The following UBR7 variants were observed in gnomAD, a reference collection of about 807,000 sequenced individuals.
The protein encoded by UBR7 is putative E3 ubiquitin-protein ligase UBR7.
In UBR7, 22 loss-of-function variants were observed where a neutral mutation model predicts 57.0. That is an observed-to-expected ratio of 0.39 (90% CI 0.28 to 0.55). UBR7 has a LOEUF of 0.55. Ranked by LOEUF, UBR7 falls within the 20% of genes least tolerant of loss-of-function variation. The pLI is 0.69. For missense variants in UBR7, 395 were observed against 513.2 expected (o/e 0.77, Z 2.23); for synonymous variants, 167 against 179.8 (o/e 0.93, Z 0.57).
chr14:93,227,474 G>A lies in UBR7; in HGVS notation c.*439G>A, dbSNP rs1167081602. The A allele has an allele frequency of 1.7e-5, 12 of 690,790 alleles. No homozygotes were observed. The highest frequency in any genetic ancestry group is 1.1e-4 in the East Asian group (4 of 36,604). The allele number at this position is 690,790 out of a possible 1,614,324, so 42.8% of individuals were successfully genotyped here. ...ACCTAGAACCTCTACAGGTCCCCTC[G>A]CCCCTATGATCGTGGTGCCTTGGGT... On this transcript the variant is annotated 3_prime_UTR_variant, in exon 11 of 11. Coordinates refer to ENST00000013070, the MANE Select transcript of UBR7 (RefSeq NM_175748.4).
intron 10 of UBR7, chr14:93,223,599 T>C (rs1245955833): frequency 1.9e-6 from 2 of 1,078,892 alleles, no homozygotes; most frequent in Non-Finnish European, 2.8e-6. Flanking sequence ...GCCCTGCCCC[T>C]AGAAGAACGT....
At chr14:93,215,421 C>A in intron 6 of UBR7, 140 bp downstream of exon 6, 2 of 819,704 alleles carry the variant, frequency 2.4e-6, no homozygotes, top group Non-Finnish European at 4.1e-6. Context: ...CATGGTGGCT[C>A]ACGCCTGTAA....
intron 10 of UBR7, chr14:93,223,639 T>A: frequency 7.2e-7 from 1 of 1,383,542 alleles, no homozygotes; most frequent in Non-Finnish European, 1.0e-6. Context: ...AAGCGTGGCT[T>A]GGGCTGACGG....
intron 8 of UBR7, 145 bp from the exon 9 acceptor site, chr14:93,220,104 G>C (rs1311076176): frequency 1.3e-6 from 1 of 759,390 alleles, no homozygotes; most frequent in East Asian, 2.7e-5. Context: ...TAGCAATTCT[G>C]TGTTAAAGAC....
chr14:93,213,057 G>C (rs1894517095), intron 4 of UBR7, among the ~76,000 whole-genome samples: 1 of 152,082 alleles, frequency 6.6e-6, no homozygotes, highest in Non-Finnish European at 1.5e-5. Context: ...AGAATCACTT[G>C]AACCCATGGG....
rs911309489 is a variant in UBR7, at chr14:93,227,909, A to G, written c.*874A>G. 2 of 700,846 alleles carry G rather than the reference A, an allele frequency of 2.9e-6. No individual in the cohort carries two copies. Among genetic ancestry groups the G allele is most frequent in the African/African-American group, 3.5e-5 (2 of 57,304 alleles). The allele number at this position is 700,846 out of a possible 1,614,324, so 43.4% of individuals were successfully genotyped here. A position where few individuals can be genotyped will look rare whatever the true frequency, so the allele number is the denominator to read the frequency against. Reference sequence around the variant, plus strand: ...GAAGTCCTCTGGATTTCTTGATATTATCAGGGATATTCATAAGCATATATC... The same window carrying G: ...GAAGTCCTCTGGATTTCTTGATATTGTCAGGGATATTCATAAGCATATATC... On this transcript the variant is annotated 3_prime_UTR_variant, in exon 11 of 11. Coordinates refer to ENST00000013070, the MANE Select transcript of UBR7 (RefSeq NM_175748.4).
chr14:93,216,473 C>G (rs1004982757), intron 6 of UBR7, among the ~76,000 whole-genome samples: 2 of 152,210 alleles, frequency 1.3e-5, no homozygotes, highest in Admixed American at 6.5e-5. Flanking sequence ...GGCAGTTACT[C>G]ATGGTATCTG....
intron 6 of UBR7, among the ~76,000 whole-genome samples, chr14:93,216,234 C>G (rs1381991042): frequency 6.6e-6 from 1 of 152,162 alleles, no homozygotes; most frequent in Non-Finnish European, 1.5e-5. Context: ...TCTGTAGAGA[C>G]AGTGTTTCAC....
At position 93,228,441 on chromosome 14, in the gene UBR7, G is replaced by A. The variant is rs1245640740; in HGVS notation, c.*1406G>A. The A allele has an allele frequency of 2.2e-6, 1 of 454,018 alleles. No individual in the cohort carries two copies. The highest frequency in any genetic ancestry group is 4.4e-6 in the Non-Finnish European group (1 of 226,810). The allele number at this position is 454,018 out of a possible 1,614,324, so 28.1% of individuals were successfully genotyped here. ...CACCATGTATATTAATACTCCTTAT[G>A]TGTCCAGCATCTGTGTATTCATTCG... On this transcript the variant is annotated 3_prime_UTR_variant, in exon 11 of 11. Coordinates refer to ENST00000013070, the MANE Select transcript of UBR7 (RefSeq NM_175748.4).
chr14:93,213,550 G>A (rs1420835293), intron 4 of UBR7, among the ~76,000 whole-genome samples: 3 of 152,114 alleles, frequency 2.0e-5, no homozygotes, highest in African/African-American at 7.2e-5. Flanking sequence ...CTCATGATCC[G>A]CCTGCCTCGG....
intron 9 of UBR7, among the ~76,000 whole-genome samples, chr14:93,220,686 A>G (rs1259174379): frequency 2.0e-5 from 3 of 152,096 alleles, no homozygotes; most frequent in Non-Finnish European, 2.9e-5. Context: ...CATTGAAACA[A>G]TTTTTGGACA....
rs11547258 is a variant in UBR7, at chr14:93,228,333, T to C, written c.*1298T>C. 0.11 allele frequency: 51,600 copies of C among 455,046 alleles called. 3,345 individuals are homozygous for C. Among genetic ancestry groups the C allele is most frequent in the African/African-American group, 0.21 (10,418 of 50,104 alleles). The allele number at this position is 455,046 out of a possible 1,614,324, so 28.2% of individuals were successfully genotyped here. A position where few individuals can be genotyped will look rare whatever the true frequency, so the allele number is the denominator to read the frequency against. ...ACATAGAGAACCCTCAGCTTCTCTC[T>C]GCCTCTGGAGGACCAAGGTCTTTCC... On this transcript the variant is annotated 3_prime_UTR_variant, in exon 11 of 11. Coordinates refer to ENST00000013070, the MANE Select transcript of UBR7 (RefSeq NM_175748.4).
chr14:93,222,398 A>G, intron 10 of UBR7, 24 bp downstream of exon 10: 1 of 1,523,742 alleles, frequency 6.6e-7, no homozygotes, highest in Non-Finnish European at 9.1e-7. Flanking sequence ...AAGAATTCTA[A>G]TCATAGCCCT....
chr14:93,223,860 T>C (rs1894771149), intron 10 of UBR7: 3 of 747,428 alleles, frequency 4.0e-6, no homozygotes, highest in Non-Finnish European at 7.3e-6. Context: ...TCCCGGTACA[T>C]GTTGGGGGCG....
At chr14:93,224,258 C>T in intron 10 of UBR7, 1 of 406,744 alleles carries the variant, frequency 2.5e-6, no homozygotes. Flanking sequence ...GTGCTGCCTG[C>T]TGCCTTTCTG....
intron 10 of UBR7, chr14:93,223,723 CA>C: frequency 3.6e-6 from 3 of 837,060 alleles, no homozygotes; most frequent in East Asian, 5.0e-5. Context: ...CGGCTGGCGG[CA>C]CTTGCTGGCT....
chr14:93,208,562 T>TA lies in UBR7; in HGVS notation c.150+1132dup, dbSNP rs112981008. Among the ~76,000 whole-genome samples, 1,361 of 144,986 alleles carry TA rather than the reference T, an allele frequency of 9.4e-3. 6 individuals are homozygous for TA. The highest frequency in any genetic ancestry group is 0.018 in the Middle Eastern group (5 of 280). On this transcript the variant is annotated intron_variant, in intron 1 of 10. Coordinates refer to ENST00000013070, the MANE Select transcript of UBR7 (RefSeq NM_175748.4). ...GGATTCCTTAATATTTTCTTTGTGGTAAAAAAAAAAATACGGAAATTTGCA... is the reference window on the plus strand; with the variant it reads ...GGATTCCTTAATATTTTCTTTGTGGTAAAAAAAAAAAATACGGAAATTTGCA...
At chr14:93,210,072 A>T (rs11851572) in intron 2 of UBR7, 115 bp downstream of exon 2, 24,909 of 649,924 alleles carry the variant, frequency 0.038, 2,634 homozygotes, top group South Asian at 0.11. Context: ...TAATGAAATT[A>T]ATTAATTAAT....
chr14:93,229,030 T>G lies in UBR7; in HGVS notation c.*1995T>G, dbSNP rs959019404. On this transcript the variant is annotated 3_prime_UTR_variant, in exon 11 of 11. Coordinates refer to ENST00000013070, the MANE Select transcript of UBR7 (RefSeq NM_175748.4). ...TTGACTGTATTGGACTGTCTCTTCT[T>G]GTAGAGACTGATTTTGGCCAACATA... is the stretch of plus-strand genomic sequence containing the variant. 1 of 431,276 alleles carries G rather than the reference T, an allele frequency of 2.3e-6. No homozygotes were observed. The highest frequency in any genetic ancestry group is 2.0e-5 in the African/African-American group (1 of 48,966). 26.7% of individuals were successfully genotyped at this position (431,276 alleles called of 1,614,324 possible).
Sources: allele counts gnomAD v4.1 joint callset (sites outside exome capture counted in the v4.1 genomes callset), GRCh38; gene constraint gnomAD v4.1.1; transcripts MANE v1.5; gene names NCBI Gene and HGNC (gene_info 2026-07-23, HGNC 2026-07-21).